Variants in LRRC41 observed in about 807,000 individuals in gnomAD.
The protein encoded by LRRC41 is leucine rich repeat containing 41.
Under a neutral mutation model 72.1 loss-of-function variants are expected in LRRC41, and 17 were observed. That is an observed-to-expected ratio of 0.24 (90% confidence interval 0.16 to 0.35). LRRC41 has a LOEUF of 0.35. Ranked by LOEUF, LRRC41 falls within the 10% of genes least tolerant of loss-of-function variation. The pLI, the probability that LRRC41 is intolerant of heterozygous loss-of-function variation, is 1.00. For synonymous variants in LRRC41, 427 were observed against 431.0 expected (o/e 0.99, Z 0.11); for missense variants, 759 against 1,065.0 (o/e 0.71, Z 4.00).
intron 5 of LRRC41, 141 bp from the exon 6 acceptor site, chr1:46,280,701 C>T: frequency 9.8e-6 from 8 of 817,626 alleles, no homozygotes; most frequent in Non-Finnish European, 7.6e-6. Context: ...TATGTCAGCA[C>T]TGTGCTAGAT....
rs1386444740 is a variant in LRRC41 at position 46,303,357 on chromosome 1, G to T, written c.-35C>A. On this transcript the variant is annotated 5_prime_UTR_variant, in exon 1 of 10. Coordinates refer to ENST00000617190, the MANE Select transcript of LRRC41 (RefSeq NM_006369.5). The stretch of plus-strand genomic sequence containing the variant: ...GTGCGCGAGCCCGAGAGTGTCGCCC[G>T]CGGACCGCCATCTTGAAAAGGTCAG... 3 of 1,468,684 alleles carry T rather than the reference G, an allele frequency of 2.0e-6. No homozygotes were observed. The highest frequency in any genetic ancestry group is 2.7e-6 in the Non-Finnish European group (3 of 1,111,732). 91.0% of individuals were successfully genotyped at this position (1,468,684 alleles called of 1,614,324 possible).
At chr1:46,298,681 T>C (rs912451058) in intron 1 of LRRC41, 7 of 231,990 alleles carry the variant, frequency 3.0e-5, no homozygotes, top group Middle Eastern at 1.4e-3. Flanking sequence ...AATGAACCAT[T>C]TGGCATTGAA....
Position 46,303,504 on chromosome 1 carries a change from C to A in LRRC41, c.-182G>T. 1.3e-6 allele frequency: 1 copy of A among 744,878 alleles called. No individual in the cohort carries two copies. Among genetic ancestry groups the A allele is most frequent in the Non-Finnish European group, 2.1e-6 (1 of 469,990 alleles). 46.1% of individuals were successfully genotyped at this position (744,878 alleles called of 1,614,324 possible). On this transcript the variant is annotated 5_prime_UTR_variant, in exon 1 of 10. Coordinates refer to ENST00000617190, the MANE Select transcript of LRRC41 (RefSeq NM_006369.5). ...TACTATTTTAGATAAACTCCTAGAT[C>A]AATTATACTTGGGTGTGGTATGACT...
chr1:46,278,159 C>A lies in LRRC41; in HGVS notation c.*706G>T, dbSNP rs755155936. The A allele has an allele frequency of 6.2e-7, 1 of 1,613,804 alleles. No homozygotes were observed. The highest frequency in any genetic ancestry group is 1.7e-5 in the Admixed American group (1 of 59,990). On this transcript the variant is annotated 3_prime_UTR_variant, in exon 10 of 10. Coordinates refer to ENST00000617190, the MANE Select transcript of LRRC41 (RefSeq NM_006369.5). ...GCACTTCAGACCTGGCAGGGTGGAA[C>A]CACTGCACTGATAAGTGGGGGCTCC...
Position 46,286,059 on chromosome 1 carries a change from A to G in LRRC41, c.798T>C (p.Cys266=). 1.9e-6 allele frequency: 3 copies of G among 1,607,202 alleles called. No individual in the cohort carries two copies. The highest frequency in any genetic ancestry group is 2.6e-6 in the Non-Finnish European group (3 of 1,175,200). ...GGGCCCGGCCTCGGGAGGCCTCTCCACAGAGGCGGCAGGGTGGGCCACCAG... is the reference window on the plus strand; with the variant it reads ...GGGCCCGGCCTCGGGAGGCCTCTCCGCAGAGGCGGCAGGGTGGGCCACCAG... ...PGPGGPPCRL[C]GEASRGRAPS... The change falls in exon 4 of 10, where the codon TGT becomes TGC. Residue 266 remains cysteine (C), a synonymous_variant. Transcript: ENST00000617190. This position sits in a 1 kb window ranked among gnomAD's most constrained non-coding sequence, Gnocchi z 5.5.
At position 46,303,419 on chromosome 1, in the gene LRRC41, T is replaced by C; in HGVS notation, c.-97A>G. 1.7e-6 allele frequency: 2 copies of C among 1,153,194 alleles called. No individual in the cohort carries two copies. Among genetic ancestry groups the C allele is most frequent in the Admixed American group, 3.0e-5 (1 of 33,852 alleles). The allele number at this position is 1,153,194 out of a possible 1,614,324, so 71.4% of individuals were successfully genotyped here. On this transcript the variant is annotated 5_prime_UTR_variant, in exon 1 of 10. Transcript: ENST00000617190. ...GCTCCATAAGCGATATGGGGAAGAATGTGAATTATTCTAAAGAAATTTCGA... is the reference window on the plus strand; with the variant it reads ...GCTCCATAAGCGATATGGGGAAGAACGTGAATTATTCTAAAGAAATTTCGA...
At position 46,291,584 on chromosome 1, in the gene LRRC41, G is replaced by A. The variant is rs560577542; in HGVS notation, c.358-5085C>T. Among the ~76,000 whole-genome samples the A allele has an allele frequency of 2.4e-4, 30 of 125,194 alleles. No individual in the cohort carries two copies. The South Asian group carries it at 7.7e-3, about 32-fold the overall frequency. The allele number at this position is 125,194 out of a possible 152,430, so 82.1% of individuals were successfully genotyped here. A position where few individuals can be genotyped will look rare whatever the true frequency, so the allele number is the denominator to read the frequency against. ...TTTTTTTTTTTTTTTTTTTGAGATG[G>A]AGTCTTGCTCTGTCGCCCAGGCTGG... is the stretch of plus-strand genomic sequence containing the variant. On this transcript the variant is annotated intron_variant, in intron 3 of 9. Coordinates refer to ENST00000617190, the MANE Select transcript of LRRC41 (RefSeq NM_006369.5).
intron 3 of LRRC41, among the ~76,000 whole-genome samples, chr1:46,292,149 A>C (rs1661032974): frequency 6.6e-6 from 1 of 151,864 alleles, no homozygotes; most frequent in African/African-American, 2.4e-5. Flanking sequence ...CCTTGTCTCT[A>C]CTAAAAATAC....
At position 46,277,542 on chromosome 1, in the gene LRRC41, C is replaced by A. The variant is rs1660648185; in HGVS notation, c.*1323G>T. On this transcript the variant is annotated 3_prime_UTR_variant, in exon 10 of 10. Transcript: ENST00000617190. ...GAAATCTGAAGCTGCAGCAGACAAA[C>A]CTCAGTTCACCCTGACGGGATTTAG... 2 of 500,468 alleles carry A rather than the reference C, an allele frequency of 4.0e-6. No individual in the cohort carries two copies. Among genetic ancestry groups the A allele is most frequent in the Admixed American group, 6.6e-5 (2 of 30,306 alleles). The allele number at this position is 500,468 out of a possible 1,614,324, so 31.0% of individuals were successfully genotyped here.
chr1:46,298,934 A>G (rs1042158925), intron 1 of LRRC41: 4 of 152,382 alleles, frequency 2.6e-5, no homozygotes, highest in African/African-American at 9.6e-5. Context: ...TCATCTTTCA[A>G]GTATCACATG....
Position 46,278,340 on chromosome 1 carries a change from T to C in LRRC41, c.*525A>G. ...AAGGAGATAGGGAAAAGGGGCTCCT[T>C]GCTCCACAGGGCCCTGTTGAATTTT... On this transcript the variant is annotated 3_prime_UTR_variant, in exon 10 of 10. Transcript: ENST00000617190. 6.6e-7 allele frequency: 1 copy of C among 1,515,752 alleles called. No homozygotes were observed. The highest frequency in any genetic ancestry group is 1.4e-5 in the African/African-American group (1 of 72,738). The allele number at this position is 1,515,752 out of a possible 1,614,324, so 93.9% of individuals were successfully genotyped here.
intron 1 of LRRC41, 27 bp downstream of exon 1, chr1:46,303,097 G>C (rs1454697172): frequency 7.3e-7 from 1 of 1,368,332 alleles, no homozygotes; most frequent in South Asian, 1.8e-5. Context: ...CTCTTAGCCA[G>C]AGGTAGCCCC....
chr1:46,280,690 A>G (rs1011661320), intron 5 of LRRC41, 130 bp from the exon 6 acceptor site: 9 of 856,256 alleles, frequency 1.1e-5, no homozygotes, highest in African/African-American at 1.7e-5. Context: ...AGTGCCTACC[A>G]TATGTCAGCA....
chr1:46,279,246 G>A lies in LRRC41; in HGVS notation c.2155C>T (p.Leu719=), dbSNP rs943556225. The A allele has an allele frequency of 6.2e-7, 1 of 1,614,054 alleles. No homozygotes were observed. The highest frequency in any genetic ancestry group is 8.5e-7 in the Non-Finnish European group (1 of 1,180,036). The change falls in exon 9 of 10, where the codon CTG becomes TTG. Residue 719 remains leucine, a synonymous_variant. Transcript: ENST00000617190. The surrounding 1 kb of genome is among the most constrained non-coding windows in gnomAD (Gnocchi z 4.5). The stretch of plus-strand genomic sequence containing the variant: ...GAGAAAACATCTGCCAAGGCCAGCA[G>A]GCCAGCATTCCCTGGAGAGAAGGGG... ...LPGNRLGNAG[L]LALADVFSED... is the part of the protein sequence containing the mutation.
In LRRC41 at chr1:46,302,552, G is replaced by T; in HGVS notation, c.199+572C>A. On this transcript the variant is annotated intron_variant, in intron 1 of 9. Transcript: ENST00000617190. The surrounding 1 kb of genome is among the most constrained non-coding windows in gnomAD (Gnocchi z 4.7). Reference sequence around the variant, plus strand: ...ACCCTTTCGTTCGGCCTCTCCCCCTGCCCCATTCCCTCGCTCTCCAATCTG... The same window carrying T: ...ACCCTTTCGTTCGGCCTCTCCCCCTTCCCCATTCCCTCGCTCTCCAATCTG... 2.0e-6 allele frequency: 2 copies of T among 984,600 alleles called. No homozygotes were observed. The highest frequency in any genetic ancestry group is 9.4e-5 in the South Asian group (2 of 21,232). The allele number at this position is 984,600 out of a possible 1,614,324, so 61.0% of individuals were successfully genotyped here.
chr1:46,288,434 GAT>G (rs1179899724), intron 3 of LRRC41, among the ~76,000 whole-genome samples: 23 of 152,212 alleles, frequency 1.5e-4, no homozygotes, highest in African/African-American at 5.1e-4. Flanking sequence ...TAAACTGTAA[GAT>G]ATAAAAAATG....
chr1:46,301,356 T>C (rs1661219155), intron 1 of LRRC41, among the ~76,000 whole-genome samples: 1 of 152,110 alleles, frequency 6.6e-6, no homozygotes, highest in African/African-American at 2.4e-5. Flanking sequence ...CCAGACCCTC[T>C]CTGCCTTCTT....
Sources: allele counts gnomAD v4.1 joint callset (sites outside exome capture counted in the v4.1 genomes callset), GRCh38; gene constraint gnomAD v4.1.1; non-coding constraint Gnocchi (gnomAD v3.1); transcripts MANE v1.5; gene names NCBI Gene and HGNC (gene_info 2026-07-23, HGNC 2026-07-21).